Variants in GABRB1 observed in about 807,000 individuals in gnomAD.
The protein encoded by GABRB1 is gamma-aminobutyric acid receptor subunit beta-1.
Under a neutral mutation model 51.6 loss-of-function variants are expected in GABRB1, and 17 were observed. That is an observed-to-expected ratio of 0.33 (90% CI 0.23 to 0.49). The LOEUF (loss-of-function observed/expected upper bound fraction) is 0.49. GABRB1 is among the 20% of genes least tolerant of loss of function. The pLI is 0.99. For missense variants in GABRB1, 410 were observed against 600.6 expected, an observed-to-expected ratio of 0.68 and a Z score of 3.32; for synonymous variants, 247 against 218.9, an observed-to-expected ratio of 1.13 and a Z score of -1.14.
intron 5 of GABRB1, among the ~76,000 whole-genome samples, chr4:47,335,635 C>T (rs1017912382): frequency 2.6e-5 from 4 of 152,102 alleles, no homozygotes; most frequent in African/African-American, 9.7e-5. Context: ...TACGTTGATA[C>T]CAGGTTATAA....
chr4:47,007,603 C>CA (rs1012174372), intron 1 of GABRB1, among the ~76,000 whole-genome samples: 107 of 152,218 alleles, frequency 7.0e-4, no homozygotes, highest in African/African-American at 2.5e-3. Context: ...AAGTTGACCA[C>CA]ATGCTGGGTT....
At chr4:47,135,041 G>A (rs1427223677) in intron 3 of GABRB1, among the ~76,000 whole-genome samples, 2 of 152,156 alleles carry the variant, frequency 1.3e-5, no homozygotes, top group African/African-American at 2.4e-5. Context: ...GATCCCAGGA[G>A]TTCAGGAGTT....
intron 4 of GABRB1, among the ~76,000 whole-genome samples, chr4:47,278,145 T>C (rs1435280137): frequency 6.6e-6 from 1 of 152,168 alleles, no homozygotes; most frequent in African/African-American, 2.4e-5. Flanking sequence ...TAGCTGTTCT[T>C]TGTCTATAAA....
chr4:47,391,974 A>G (rs1728012160), intron 5 of GABRB1, among the ~76,000 whole-genome samples: 1 of 152,160 alleles, frequency 6.6e-6, no homozygotes, highest in Non-Finnish European at 1.5e-5. Flanking sequence ...TCTGCATGGT[A>G]TGTTCAGTAC....
At chr4:47,175,517 G>A (rs1254637484) in intron 4 of GABRB1, among the ~76,000 whole-genome samples, 1 of 152,050 alleles carries the variant, frequency 6.6e-6, no homozygotes, top group African/African-American at 2.4e-5. Flanking sequence ...GATGGCTTTG[G>A]CTTTTATGTA....
chr4:47,379,219 A>G (rs1366209133), intron 5 of GABRB1, among the ~76,000 whole-genome samples: 1 of 152,204 alleles, frequency 6.6e-6, no homozygotes, highest in Non-Finnish European at 1.5e-5. Context: ...CAACTATGCT[A>G]TACTATAGCT....
chr4:47,043,446 G>A (rs939674721), intron 3 of GABRB1: 6 of 152,002 alleles, frequency 3.9e-5, no homozygotes, highest in Non-Finnish European at 5.9e-5. Flanking sequence ...CTGTGGAAAC[G>A]AATGACTTTC....
chr4:47,049,144 C>A (rs1442330462), intron 3 of GABRB1, among the ~76,000 whole-genome samples: 2 of 151,834 alleles, frequency 1.3e-5, no homozygotes, highest in Non-Finnish European at 2.9e-5. Context: ...CCTTTGGCAT[C>A]CATGTCATGG....
intron 3 of GABRB1, among the ~76,000 whole-genome samples, chr4:47,079,254 G>C (rs534402026): frequency 1.3e-5 from 2 of 151,834 alleles, no homozygotes; most frequent in Admixed American, 1.3e-4. Flanking sequence ...GACTTTTTTT[G>C]GTTGGTAAGC....
chr4:47,148,266 G>A lies in GABRB1; in HGVS notation c.241-12983G>A, dbSNP rs77619174. ...GAATGAGGGTGGAGATGGAGGACCC[G>A]ATTTAAAGGTGGGTGGGCATAATTC... On this transcript the variant is annotated intron_variant, in intron 3 of 8. Transcript: ENST00000295454. 1.1e-4 allele frequency among the ~76,000 whole-genome samples: 16 copies of A among 152,080 alleles called. No individual in the cohort carries two copies. In the East Asian group the frequency reaches 2.7e-3, roughly 26 times the overall value.
intron 5 of GABRB1, among the ~76,000 whole-genome samples, chr4:47,358,520 A>G (rs1726674097): frequency 2.0e-5 from 3 of 152,116 alleles, no homozygotes. Context: ...CCAGAGACCC[A>G]GGGAAGAGTT....
chr4:47,019,571 C>CTCTCTG (rs1724847650), intron 1 of GABRB1, among the ~76,000 whole-genome samples: 1 of 151,346 alleles, frequency 6.6e-6, no homozygotes, highest in Non-Finnish European at 1.5e-5. Flanking sequence ...CTCTCTCTCT[C>CTCTCTG]TCTCTCCCTC....
chr4:47,019,948 G>A, intron 1 of GABRB1, among the ~76,000 whole-genome samples: 1 of 150,880 alleles, frequency 6.6e-6, no homozygotes, highest in African/African-American at 2.4e-5. Flanking sequence ...ATATGTATAT[G>A]TATATGTATA....
At chr4:47,256,554 A>G (rs1722205548) in intron 4 of GABRB1, among the ~76,000 whole-genome samples, 1 of 152,248 alleles carries the variant, frequency 6.6e-6, no homozygotes, top group African/African-American at 2.4e-5. Context: ...TAATCTATAA[A>G]GAAAAAAGGT....
chr4:47,035,511 T>C (rs892045430), intron 3 of GABRB1, among the ~76,000 whole-genome samples: 10 of 152,322 alleles, frequency 6.6e-5, no homozygotes, highest in South Asian at 2.1e-4. Flanking sequence ...TCATGGGATA[T>C]ACTGTTTGTG....
chr4:47,399,497 A>T (rs1009870651), intron 5 of GABRB1, among the ~76,000 whole-genome samples: 4 of 151,048 alleles, frequency 2.6e-5, no homozygotes, highest in African/African-American at 7.4e-5. Flanking sequence ...TCTTCTGAGA[A>T]AATTACCCAT....
intron 1 of GABRB1, among the ~76,000 whole-genome samples, chr4:47,008,632 T>A (rs1188319529): frequency 1.4e-5 from 2 of 142,662 alleles, no homozygotes; most frequent in Non-Finnish European, 1.5e-5. Context: ...CCAGCTAATT[T>A]TTTTTTTTTT....
At chr4:47,210,122 A>T (rs1442104) in intron 4 of GABRB1, among the ~76,000 whole-genome samples, 129,175 of 152,026 alleles carry the variant, frequency 0.85, 54,852 homozygotes, top group Middle Eastern at 0.92. Context: ...TCATTAAGAA[A>T]CCATCAGGAA....
chr4:47,257,643 G>A (rs1436921947), intron 4 of GABRB1, among the ~76,000 whole-genome samples: 1 of 151,500 alleles, frequency 6.6e-6, no homozygotes, highest in Non-Finnish European at 1.5e-5. Context: ...GAAGGGCAAA[G>A]TGACTATCTA....
Sources: allele counts gnomAD v4.1 joint callset (sites outside exome capture counted in the v4.1 genomes callset), GRCh38; gene constraint gnomAD v4.1.1; transcripts MANE v1.5; gene names NCBI Gene and HGNC (gene_info 2026-07-23, HGNC 2026-07-21).